Variants in CCDC171 observed in about 807,000 individuals in gnomAD.
CCDC171 encodes coiled-coil domain containing 171.
CCDC171 carries 177 observed loss-of-function variants against 168.2 expected under a neutral mutation model. The observed-to-expected ratio is 1.05, with a 90% CI of 0.93 to 1.19. CCDC171 has a LOEUF of 1.19. Ranked by LOEUF, CCDC171 falls within the 50% of genes most tolerant of loss-of-function variation. The pLI is 0.00. For missense variants in CCDC171, 1,991 were observed against 1,539.0 expected, an observed-to-expected ratio of 1.29 and a Z score of -4.91; for synonymous variants, 687 against 540.8, an observed-to-expected ratio of 1.27 and a Z score of -3.75.
Position 15,666,242 on chromosome 9 carries a change from T to C in CCDC171, c.995T>C (p.Ile332Thr), listed in dbSNP as rs370829802. 17 of 1,613,902 alleles carry C rather than the reference T, an allele frequency of 1.1e-5. No individual in the cohort carries two copies. In the African/African-American group the frequency reaches 1.3e-4, roughly 13 times the overall value. Residue 332 changes from isoleucine (I) to threonine (T), a missense_variant, in exon 9 of 26, where the codon ATC (isoleucine) becomes ACC (threonine). By Grantham distance (89) the Ile-to-Thr change is moderately conservative. Transcript: ENST00000380701. The part of the protein sequence containing the change: ...QAEAVADLEI[I>T]KNEFKEVESA... ...GAAGCTGTTGCTGATTTGGAAATTA[T>C]CAAGAATGAATTCAAAGAAGTTGAA...
the CCDC171 span, among the ~76,000 whole-genome samples, chr9:16,082,866 G>C: frequency 6.6e-6 from 1 of 152,182 alleles, no homozygotes; most frequent in Non-Finnish European, 1.5e-5. Flanking sequence ...CTGTGCTTTA[G>C]CAAGTAATTC....
chr9:15,706,281 C>A (rs930440531), intron 11 of CCDC171, among the ~76,000 whole-genome samples: 6 of 150,920 alleles, frequency 4.0e-5, no homozygotes, highest in South Asian at 2.1e-4. Context: ...TTCTTCCTTC[C>A]TTTCTTTTTC....
intron 7 of CCDC171, among the ~76,000 whole-genome samples, chr9:15,637,195 G>A (rs983397079): frequency 6.6e-6 from 1 of 152,110 alleles, no homozygotes; most frequent in Admixed American, 6.6e-5. Context: ...GGTGGAGGCT[G>A]CACTGAGCCG....
At chr9:15,707,106 G>C (rs927973636) in intron 11 of CCDC171, among the ~76,000 whole-genome samples, 1 of 152,168 alleles carries the variant, frequency 6.6e-6, no homozygotes, top group Non-Finnish European at 1.5e-5. Context: ...AGCTGAGGAT[G>C]GCTGTAGGAG....
chr9:15,876,665 A>G (rs917890580), intron 24 of CCDC171, among the ~76,000 whole-genome samples: 4 of 152,172 alleles, frequency 2.6e-5, no homozygotes, highest in Non-Finnish European at 4.4e-5. Flanking sequence ...TTATGCATCT[A>G]TGTATGATAT....
chr9:16,062,949 T>A (rs1833952364), downstream of CCDC171, among the ~76,000 whole-genome samples: 2 of 152,152 alleles, frequency 1.3e-5, no homozygotes, highest in Admixed American at 1.3e-4. Context: ...TGGAACTAAA[T>A]AGTGAAACCG....
At chr9:15,823,230 C>A (rs12684485) in intron 21 of CCDC171, among the ~76,000 whole-genome samples, 1 of 151,770 alleles carries the variant, frequency 6.6e-6, no homozygotes, top group African/African-American at 2.4e-5. Flanking sequence ...TGTTAAATGA[C>A]GAGATAAAGG....
At chr9:15,590,188 A>C (rs1343011348) in intron 4 of CCDC171, among the ~76,000 whole-genome samples, 1 of 152,208 alleles carries the variant, frequency 6.6e-6, no homozygotes, top group Non-Finnish European at 1.5e-5. Context: ...TGTCTTCTGG[A>C]GATGGCAGCT....
intron 18 of CCDC171, 31 bp from the exon 19 acceptor site, chr9:15,777,569 T>A: frequency 7.2e-7 from 1 of 1,383,948 alleles, no homozygotes; most frequent in Non-Finnish European, 1.0e-6. Context: ...ACAATTCACA[T>A]TTTTGTGCCT....
At chr9:15,815,062 A>G (rs953906051) in intron 21 of CCDC171, among the ~76,000 whole-genome samples, 1 of 152,340 alleles carries the variant, frequency 6.6e-6, no homozygotes, top group African/African-American at 2.4e-5. Context: ...ATTCACAGTA[A>G]GAGTCCCAGA....
Position 15,727,187 on chromosome 9 carries a change from C to T in CCDC171, c.1693-682C>T, listed in dbSNP as rs117243419. Among the ~76,000 whole-genome samples, 784 of 152,106 alleles carry T rather than the reference C, an allele frequency of 5.2e-3. 4 individuals are homozygous for T. Among genetic ancestry groups the T allele is most frequent in the Middle Eastern group, 0.01 (3 of 292 alleles). ...GCTGTTACTTTATAATATTTAAACA[C>T]CTACAAATGCCCAGTGTGCCAAATA... On this transcript the variant is annotated intron_variant, in intron 14 of 25. Transcript: ENST00000380701.
At chr9:15,565,089 T>A (rs1333369105) in intron 2 of CCDC171, among the ~76,000 whole-genome samples, 2 of 61,120 alleles carry the variant, frequency 3.3e-5, no homozygotes, top group East Asian at 1.7e-3. Context: ...CCCCCCACTT[T>A]TTTTTTTTTT....
intron 25 of CCDC171, among the ~76,000 whole-genome samples, chr9:15,950,094 G>A (rs1046037083): frequency 2.0e-5 from 3 of 152,190 alleles, no homozygotes; most frequent in Non-Finnish European, 2.9e-5. Flanking sequence ...AAAAAGAAAT[G>A]AGCAAAGCCT....
intron 7 of CCDC171, among the ~76,000 whole-genome samples, chr9:15,645,030 C>T (rs1168047518): frequency 6.6e-6 from 1 of 152,200 alleles, no homozygotes; most frequent in Non-Finnish European, 1.5e-5. Context: ...GCTGGGTACC[C>T]CTCTGTGACG....
At chr9:16,106,096 C>A in the CCDC171 span, among the ~76,000 whole-genome samples, 11 of 152,148 alleles carry the variant, frequency 7.2e-5, no homozygotes, top group African/African-American at 2.4e-4. Context: ...GTGGCCCCTG[C>A]CCAGCAAGAG....
chr9:15,623,271 A>C lies in CCDC171; in HGVS notation c.680A>C (p.Gln227Pro). 1 of 1,558,818 alleles carries C rather than the reference A, an allele frequency of 6.4e-7. No individual in the cohort carries two copies. Among genetic ancestry groups the C allele is most frequent in the African/African-American group, 1.4e-5 (1 of 73,770 alleles). The change falls in exon 7 of 26, where the codon CAA (glutamine) becomes CCA (proline). Residue 227 changes from glutamine (Q) to proline (P), a missense_variant. Coordinates refer to ENST00000380701, the MANE Select transcript of CCDC171 (RefSeq NM_173550.4). Reference protein sequence around the residue: ...RRELQFIVQEQDTAVQNMHKK... With the variant: ...RRELQFIVQEPDTAVQNMHKK... ...CAAAAATGAATTATTTTCCAGGAGCAAGATACTGCTGTGCAAAATATGCAT... is the reference window on the plus strand; with the variant it reads ...CAAAAATGAATTATTTTCCAGGAGCCAGATACTGCTGTGCAAAATATGCAT...
intron 7 of CCDC171, among the ~76,000 whole-genome samples, chr9:15,652,174 A>G (rs2047577683): frequency 6.6e-6 from 1 of 152,168 alleles, no homozygotes; most frequent in African/African-American, 2.4e-5. Flanking sequence ...TTTAGCTCAT[A>G]TATTTAGGTC....
intron 8 of CCDC171, among the ~76,000 whole-genome samples, chr9:16,036,447 A>G (rs1833470284): frequency 6.6e-6 from 1 of 152,208 alleles, no homozygotes; most frequent in African/African-American, 2.4e-5. Context: ...GATCAAGACC[A>G]TCCTAGCTAA....
At chr9:15,620,894 A>G (rs1478195298) in intron 6 of CCDC171, among the ~76,000 whole-genome samples, 3 of 152,174 alleles carry the variant, frequency 2.0e-5, no homozygotes, top group African/African-American at 4.8e-5. Flanking sequence ...ACCTTCCACC[A>G]TTAAAGATGA....
Sources: gnomAD v4.1 joint callset for allele counts (sites outside exome capture counted in the v4.1 genomes callset) on GRCh38, gnomAD v4.1.1 for gene constraint, MANE v1.5 for transcripts, NCBI Gene and HGNC (gene_info 2026-07-23, HGNC 2026-07-21) for gene names.